The following THSD7B variants were observed in gnomAD, a reference collection of about 807,000 sequenced individuals.
THSD7B encodes thrombospondin type-1 domain-containing protein 7B.
THSD7B carries 138 observed loss-of-function variants against 213.6 expected under a neutral mutation model. That is an observed-to-expected ratio of 0.65 (90% CI 0.56 to 0.74). THSD7B has a LOEUF of 0.74. THSD7B is among the 30% of genes least tolerant of loss of function. The pLI, the probability that THSD7B is intolerant of heterozygous loss-of-function variation, is 0.00. For synonymous variants in THSD7B, 742 were observed against 687.0 expected (o/e 1.08, Z -1.25); for missense variants, 1,931 against 1,991.5 (o/e 0.97, Z 0.58).
At chr2:137,353,628 G>A (rs2104924456) in intron 12 of THSD7B, among the ~76,000 whole-genome samples, 2 of 152,068 alleles carry the variant, frequency 1.3e-5, no homozygotes, top group South Asian at 4.1e-4. Context: ...GTTCATGCTT[G>A]GCATTCTTTT....
At chr2:137,589,295 T>C (rs993723253) in intron 17 of THSD7B, among the ~76,000 whole-genome samples, 5 of 152,208 alleles carry the variant, frequency 3.3e-5, no homozygotes, top group Admixed American at 3.3e-4. Flanking sequence ...TTTTACCTAA[T>C]TCTATTAATG....
chr2:137,595,416 T>C (rs925386837), intron 17 of THSD7B, among the ~76,000 whole-genome samples: 2 of 152,132 alleles, frequency 1.3e-5, no homozygotes, highest in Admixed American at 6.6e-5. Flanking sequence ...TTATAGCACG[T>C]GGCTAATTAG....
chr2:136,943,341 C>CT (rs529002452), intron 2 of THSD7B, among the ~76,000 whole-genome samples: 1 of 152,084 alleles, frequency 6.6e-6, no homozygotes, highest in African/African-American at 2.4e-5. Flanking sequence ...CTAAAATTCT[C>CT]TTTTTTTGTT....
chr2:136,813,412 T>C (rs1344709368), intron 1 of THSD7B, among the ~76,000 whole-genome samples: 1 of 147,820 alleles, frequency 6.8e-6, no homozygotes, highest in Non-Finnish European at 1.5e-5. Context: ...ATACTTCCCA[T>C]TTCCCAAGAG....
At chr2:137,248,381 T>C (rs6757105) in intron 10 of THSD7B, among the ~76,000 whole-genome samples, 3,848 of 152,228 alleles carry the variant, frequency 0.025, 180 homozygotes, top group African/African-American at 0.088. Context: ...CTTAGTACAG[T>C]GTCTGGCACA....
intron 2 of THSD7B, among the ~76,000 whole-genome samples, chr2:136,887,125 G>A (rs1443935335): frequency 6.6e-6 from 1 of 152,090 alleles, no homozygotes; most frequent in African/African-American, 2.4e-5. Context: ...CCACTTCAAA[G>A]TATACAATTC....
At chr2:137,291,962 C>T (rs1683349909) in intron 12 of THSD7B, among the ~76,000 whole-genome samples, 1 of 152,014 alleles carries the variant, frequency 6.6e-6, no homozygotes, top group South Asian at 2.1e-4. Context: ...GAATTTTTCC[C>T]TCAAGGGACA....
intron 7 of THSD7B, among the ~76,000 whole-genome samples, chr2:137,190,681 G>A (rs976718956): frequency 6.6e-6 from 1 of 152,058 alleles, no homozygotes; most frequent in Non-Finnish European, 1.5e-5. Context: ...GAATCCCCTG[G>A]GGCTGGTTAA....
At chr2:137,496,667 CATTT>C (rs1679576370) in intron 15 of THSD7B, among the ~76,000 whole-genome samples, 1 of 152,120 alleles carries the variant, frequency 6.6e-6, no homozygotes, top group Admixed American at 6.6e-5. Flanking sequence ...ATCTCTGATC[CATTT>C]ATTTATAAGA....
chr2:137,491,853 G>A (rs376308314), intron 15 of THSD7B, among the ~76,000 whole-genome samples: 20 of 152,316 alleles, frequency 1.3e-4, no homozygotes, highest in African/African-American at 4.6e-4. Context: ...CTAGTTTAGT[G>A]TATAGCTCCA....
chr2:136,933,390 CA>C (rs1394815319), intron 2 of THSD7B, among the ~76,000 whole-genome samples: 2 of 152,040 alleles, frequency 1.3e-5, no homozygotes, highest in Non-Finnish European at 2.9e-5. Context: ...ATCTGGCCAA[CA>C]TGGTGAAACC....
At chr2:137,455,026 ATGTG>A (rs1390150433) in intron 15 of THSD7B, among the ~76,000 whole-genome samples, 2 of 152,082 alleles carry the variant, frequency 1.3e-5, no homozygotes, top group South Asian at 2.1e-4. Flanking sequence ...TTGAATTTTG[ATGTG>A]TGTATGTGTT....
At position 137,477,762 on chromosome 2, in the gene THSD7B, C is replaced by T. The variant is rs985540404; in HGVS notation, c.3138+26739C>T. On this transcript the variant is annotated intron_variant, in intron 15 of 27. Transcript: ENST00000409968. Reference sequence around the variant, plus strand: ...AGGACTCTCTTAAGCATTTCTGGTACAGCCGATCTAATTGTGATGAATTTC... The same window carrying T: ...AGGACTCTCTTAAGCATTTCTGGTATAGCCGATCTAATTGTGATGAATTTC... Among the ~76,000 whole-genome samples, 8 of 152,152 alleles carry T rather than the reference C, an allele frequency of 5.3e-5. No homozygotes were observed. The South Asian group carries it at 8.3e-4, about 16-fold the overall frequency.
intron 12 of THSD7B, among the ~76,000 whole-genome samples, chr2:137,329,941 C>T (rs139890649): frequency 1.1e-4 from 16 of 152,290 alleles, no homozygotes; most frequent in Non-Finnish European, 2.1e-4. Flanking sequence ...GGTCTGGGCC[C>T]TCCTGCTGTA....
intron 13 of THSD7B, among the ~76,000 whole-genome samples, chr2:137,408,535 T>C (rs1686579626): frequency 6.6e-6 from 1 of 152,216 alleles, no homozygotes; most frequent in South Asian, 2.1e-4. Context: ...GCTTCTGCTA[T>C]AGTTGCTGTT....
intron 1 of THSD7B, among the ~76,000 whole-genome samples, chr2:136,832,747 A>C (rs180971402): frequency 6.6e-6 from 1 of 152,318 alleles, no homozygotes; most frequent in Admixed American, 6.5e-5. Context: ...AACAAGAACT[A>C]TGCTGGTCCA....
chr2:136,896,695 G>C (rs1683965439), intron 2 of THSD7B, among the ~76,000 whole-genome samples: 1 of 151,978 alleles, frequency 6.6e-6, no homozygotes, highest in South Asian at 2.1e-4. Context: ...ATTTAAGTCT[G>C]TGACTCATTT....
At chr2:136,865,184 G>A (rs967467030) in intron 1 of THSD7B, among the ~76,000 whole-genome samples, 8 of 152,168 alleles carry the variant, frequency 5.3e-5, no homozygotes, top group African/African-American at 1.9e-4. Flanking sequence ...GCCTCTTGGA[G>A]GCATGTCCAG....
chr2:137,428,704 T>C (rs1243154367), intron 14 of THSD7B, among the ~76,000 whole-genome samples: 2 of 152,208 alleles, frequency 1.3e-5, no homozygotes, highest in Non-Finnish European at 2.9e-5. Flanking sequence ...CCAAGTAGTA[T>C]GTGGTTCTAT....
Sources: gnomAD v4.1 joint callset for allele counts (sites outside exome capture counted in the v4.1 genomes callset) on GRCh38, gnomAD v4.1.1 for gene constraint, MANE v1.5 for transcripts, NCBI Gene and HGNC (gene_info 2026-07-23, HGNC 2026-07-21) for gene names.